Variants in AOPEP observed in about 807,000 individuals in gnomAD.
AOPEP encodes aminopeptidase O (putative).
Under a neutral mutation model 98.1 loss-of-function variants are expected in AOPEP, and 77 were observed. The observed-to-expected ratio is 0.78, with a 90% CI of 0.65 to 0.95. The LOEUF (loss-of-function observed/expected upper bound fraction) is 0.95. AOPEP is among the 40% of genes least tolerant of loss of function. AOPEP has a pLI of 0.00. For missense variants in AOPEP, 1,024 were observed against 1,024.7 expected (o/e 1.00, Z 0.01); for synonymous variants, 346 against 365.3 (o/e 0.95, Z 0.60).
At chr9:94,896,519 G>A (rs763745446) in intron 5 of AOPEP, among the ~76,000 whole-genome samples, 11 of 152,204 alleles carry the variant, frequency 7.2e-5, no homozygotes, top group Admixed American at 2.0e-4. Context: ...CTTCTGCGGG[G>A]TGATCAAGGT....
chr9:94,922,564 T>G (rs1204743996), intron 5 of AOPEP, among the ~76,000 whole-genome samples: 1 of 152,108 alleles, frequency 6.6e-6, no homozygotes, highest in African/African-American at 2.4e-5. Flanking sequence ...GTTTGTCTTC[T>G]CAACGGGGTG....
At chr9:94,794,728 C>G (rs1846517731) in intron 4 of AOPEP, among the ~76,000 whole-genome samples, 2 of 152,136 alleles carry the variant, frequency 1.3e-5, no homozygotes, top group Non-Finnish European at 1.5e-5. Context: ...GTGACATATT[C>G]TAGTTTCATG....
chr9:94,993,299 T>G (rs2061008683), intron 11 of AOPEP, among the ~76,000 whole-genome samples: 1 of 152,170 alleles, frequency 6.6e-6, no homozygotes, highest in African/African-American at 2.4e-5. Flanking sequence ...TAAATAACCT[T>G]GGGGGAAAAG....
chr9:95,056,731 A>G (rs1182419673), intron 13 of AOPEP, among the ~76,000 whole-genome samples: 1 of 152,210 alleles, frequency 6.6e-6, no homozygotes, highest in Non-Finnish European at 1.5e-5. Context: ...CATGCAGTGG[A>G]CTTTTTTCTT....
chr9:95,020,847 G>A (rs2063390177), intron 13 of AOPEP, among the ~76,000 whole-genome samples: 1 of 138,026 alleles, frequency 7.2e-6, no homozygotes, highest in South Asian at 2.4e-4. Context: ...GAGCCTGGGA[G>A]GTGGAGGTTG....
intron 5 of AOPEP, among the ~76,000 whole-genome samples, chr9:94,817,498 G>GC (rs1324930910): frequency 7.2e-5 from 11 of 152,210 alleles, no homozygotes; most frequent in African/African-American, 2.7e-4. Context: ...TGTTCCCTTG[G>GC]CTGGCTGCCT....
intron 13 of AOPEP, among the ~76,000 whole-genome samples, chr9:95,043,497 TTTA>T (rs1419911601): frequency 6.6e-6 from 1 of 152,186 alleles, no homozygotes; most frequent in Non-Finnish European, 1.5e-5. Context: ...CAGTTATAGT[TTTA>T]TTGACTTGTG....
intron 5 of AOPEP, among the ~76,000 whole-genome samples, chr9:94,836,133 T>C (rs973564612): frequency 2.6e-5 from 4 of 152,172 alleles, no homozygotes; most frequent in African/African-American, 9.7e-5. Context: ...CATGCACCTT[T>C]TCCAAGGAAA....
intron 1 of AOPEP, among the ~76,000 whole-genome samples, chr9:94,749,333 T>C (rs904483080): frequency 6.6e-6 from 1 of 152,230 alleles, no homozygotes; most frequent in Non-Finnish European, 1.5e-5. Flanking sequence ...TAGAGGTCCA[T>C]GTGATGCTTC....
chr9:94,786,085 G>A (rs561289454), intron 3 of AOPEP, among the ~76,000 whole-genome samples: 1 of 152,192 alleles, frequency 6.6e-6, no homozygotes, highest in African/African-American at 2.4e-5. Flanking sequence ...GCCTGAGTGA[G>A]CATCAAGGGT....
intron 5 of AOPEP, among the ~76,000 whole-genome samples, chr9:94,813,024 A>T (rs1850950637): frequency 6.6e-6 from 1 of 152,172 alleles, no homozygotes; most frequent in Non-Finnish European, 1.5e-5. Context: ...GAGGCAAAAA[A>T]AAAGGGGACA....
chr9:95,123,872 G>A, the AOPEP span: 1 of 563,488 alleles, frequency 1.8e-6, no homozygotes, highest in Non-Finnish European at 3.4e-6. Context: ...CACGTAAGGA[G>A]TTGAGTCCTT....
At chr9:94,909,080 T>C (rs896808633) in intron 5 of AOPEP, among the ~76,000 whole-genome samples, 1 of 152,164 alleles carries the variant, frequency 6.6e-6, no homozygotes, top group Non-Finnish European at 1.5e-5. Context: ...TGGTTTTGCC[T>C]GGTTTGAGGC....
intron 1 of AOPEP, among the ~76,000 whole-genome samples, chr9:94,743,991 A>C (rs1337311383): frequency 6.6e-6 from 1 of 152,186 alleles, no homozygotes; most frequent in East Asian, 1.9e-4. Flanking sequence ...TGGGCTACTC[A>C]GCTTCTTCCT....
chr9:95,055,240 A>G (rs189254803), intron 13 of AOPEP, among the ~76,000 whole-genome samples: 3 of 152,340 alleles, frequency 2.0e-5, no homozygotes, highest in Middle Eastern at 6.8e-3. Context: ...TCATTTAAAA[A>G]GTAACAGATG....
the AOPEP span, chr9:95,099,455 G>A: frequency 1.3e-5 from 3 of 226,276 alleles, no homozygotes; most frequent in African/African-American, 2.3e-5. Flanking sequence ...CCAGCATCTC[G>A]GATGCCATTC....
At chr9:94,794,796 A>G (rs528153657) in intron 4 of AOPEP, among the ~76,000 whole-genome samples, 33,301 of 152,164 alleles carry the variant, frequency 0.22, 5,136 homozygotes, top group African/African-American at 0.43. Context: ...AGTACAAAAC[A>G]GAGCCTACAA....
intron 5 of AOPEP, among the ~76,000 whole-genome samples, chr9:94,917,970 C>T (rs1471518571): frequency 1.3e-5 from 2 of 152,166 alleles, no homozygotes; most frequent in Admixed American, 1.3e-4. Context: ...ATCTTTTTAT[C>T]GGTTTCCCCA....
At chr9:95,064,758 CAT>C (rs1051957918) in intron 14 of AOPEP, among the ~76,000 whole-genome samples, 3 of 150,640 alleles carry the variant, frequency 2.0e-5, no homozygotes, top group African/African-American at 7.3e-5. Flanking sequence ...GCAACACAAT[CAT>C]GTGACAGCTT....
Sources: allele counts gnomAD v4.1 joint callset (sites outside exome capture counted in the v4.1 genomes callset), GRCh38; gene constraint gnomAD v4.1.1; transcripts MANE v1.5; gene names NCBI Gene and HGNC (gene_info 2026-07-23, HGNC 2026-07-21).